Variants in EYA1 observed in about 807,000 individuals in gnomAD.
EYA1 encodes the protein protein phosphatase EYA1.
Under a neutral mutation model 82.0 loss-of-function variants are expected in EYA1, and 16 were observed. The observed-to-expected ratio is 0.20, with a 90% confidence interval of 0.13 to 0.30. The LOEUF (loss-of-function observed/expected upper bound fraction) is 0.30. Among genes scored for constraint, EYA1 ranks in the 10% least tolerant of loss-of-function variants. The pLI, the probability that EYA1 is intolerant of heterozygous loss-of-function variation, is 1.00. For synonymous variants in EYA1, 261 were observed against 264.4 expected (o/e 0.99, Z 0.12); for missense variants, 633 against 730.7 (o/e 0.87, Z 1.54).
chr8:71,461,925 C>T (rs1727412957), intron 2 of EYA1, among the ~76,000 whole-genome samples: 2 of 152,128 alleles, frequency 1.3e-5, no homozygotes, highest in Admixed American at 6.5e-5. Flanking sequence ...AGGGTAGTTC[C>T]TCTCTGCAGC....
intron 9 of EYA1, among the ~76,000 whole-genome samples, chr8:71,276,497 A>C (rs1269130371): frequency 1.3e-5 from 2 of 152,180 alleles, no homozygotes; most frequent in Non-Finnish European, 2.9e-5. Context: ...CCCTATCAAC[A>C]AGTTGAATTA....
chr8:71,502,648 T>C (rs1013775383), intron 2 of EYA1, among the ~76,000 whole-genome samples: 13 of 152,258 alleles, frequency 8.5e-5, no homozygotes, highest in African/African-American at 3.1e-4. Context: ...CTCTAGTGAC[T>C]TGATAAAATC....
chr8:71,542,546 T>C (rs188469988), intron 1 of EYA1, among the ~76,000 whole-genome samples: 301 of 152,336 alleles, frequency 2.0e-3, no homozygotes, highest in African/African-American at 7.0e-3. Flanking sequence ...GTCTTTAAAA[T>C]AGAACGATTT....
At chr8:71,365,131 T>C (rs1827681089), upstream of EYA1, among the ~76,000 whole-genome samples, 1 of 151,462 alleles carries the variant, frequency 6.6e-6, no homozygotes. Flanking sequence ...ACTTGGGCTT[T>C]TCTAAAACTT....
At chr8:71,482,528 C>T (rs1810242523) in intron 2 of EYA1, among the ~76,000 whole-genome samples, 1 of 152,144 alleles carries the variant, frequency 6.6e-6, no homozygotes, top group African/African-American at 2.4e-5. Flanking sequence ...CCAGCAATTC[C>T]ACTTCTAGGT....
At position 71,290,678 on chromosome 8, in the gene EYA1, T is replaced by C. The variant is rs573189067; in HGVS notation, c.826+8369A>G. 1.2e-3 allele frequency among the ~76,000 whole-genome samples: 187 copies of C among 152,208 alleles called. 2 individuals are homozygous for C. The highest frequency in any genetic ancestry group is 2.2e-3 in the Non-Finnish European group (152 of 67,976). ...GACTGAATTTTTCTTTTCTTGGAAATACAGTCCAAAATTCACAGGTAACAA... is the reference window on the plus strand; with the variant it reads ...GACTGAATTTTTCTTTTCTTGGAAACACAGTCCAAAATTCACAGGTAACAA... On this transcript the variant is annotated intron_variant, in intron 9 of 17. Transcript: ENST00000340726.
intron 2 of EYA1, among the ~76,000 whole-genome samples, chr8:71,412,314 G>T (rs1733666897): frequency 6.8e-6 from 1 of 147,886 alleles, no homozygotes; most frequent in Non-Finnish European, 1.5e-5. Context: ...CACCAGCATG[G>T]CACATGTATA....
chr8:71,249,200 C>G (rs1318247192), intron 11 of EYA1, among the ~76,000 whole-genome samples: 11 of 152,060 alleles, frequency 7.2e-5, no homozygotes, highest in Admixed American at 5.9e-4. Context: ...TCCTCTATGA[C>G]AGCAATCTTT....
intron 2 of EYA1, among the ~76,000 whole-genome samples, chr8:71,444,703 A>C (rs62507401): frequency 0.3 from 45,876 of 152,032 alleles, 7,171 homozygotes; most frequent in East Asian, 0.47. Flanking sequence ...GCCTACACTG[A>C]GGGGTTAGAA....
Position 71,254,203 on chromosome 8 carries a change from C to G in EYA1, c.1051-9511G>C, listed in dbSNP as rs141057383. Among the ~76,000 whole-genome samples the G allele has an allele frequency of 8.8e-3, 894 of 101,894 alleles. 5 individuals carry two copies. The highest frequency in any genetic ancestry group is 0.032 in the African/African-American group (822 of 25,568). The allele number at this position is 101,894 out of a possible 152,430, so 66.8% of individuals were successfully genotyped here. On this transcript the variant is annotated intron_variant, in intron 11 of 17. Transcript: ENST00000340726. Reference sequence around the variant, plus strand: ...AGTACTGAAGTTTTAAAAACAACAACTAGATGCTCAAGGATATACCCCATC... The same window carrying G: ...AGTACTGAAGTTTTAAAAACAACAAGTAGATGCTCAAGGATATACCCCATC...
chr8:71,423,153 T>A (rs1452176813), intron 2 of EYA1, among the ~76,000 whole-genome samples: 1 of 152,170 alleles, frequency 6.6e-6, no homozygotes, highest in African/African-American at 2.4e-5. Flanking sequence ...CAAATTGTTG[T>A]TATTGGGTAT....
intron 11 of EYA1, among the ~76,000 whole-genome samples, chr8:71,265,633 C>T (rs116833323): frequency 0.018 from 2,742 of 152,262 alleles, 82 homozygotes; most frequent in African/African-American, 0.063. Flanking sequence ...ATTTGAAATA[C>T]AAGTTTTGGG....
intron 3 of EYA1, among the ~76,000 whole-genome samples, chr8:71,347,169 T>C (rs144727668): frequency 1.2e-4 from 18 of 152,316 alleles, no homozygotes; most frequent in African/African-American, 4.1e-4. Flanking sequence ...GGGGAGTCCA[T>C]GTTTTAAAGT....
intron 2 of EYA1, among the ~76,000 whole-genome samples, chr8:71,504,723 TA>T (rs200755153): frequency 2.0e-4 from 30 of 151,748 alleles, no homozygotes; most frequent in Non-Finnish European, 2.7e-4. Flanking sequence ...CATCTCCATT[TA>T]AAAAAAAATC....
chr8:71,369,926 T>C (rs538052462), intron 2 of EYA1, among the ~76,000 whole-genome samples: 1 of 152,276 alleles, frequency 6.6e-6, no homozygotes, highest in South Asian at 2.1e-4. Flanking sequence ...TAAAATAATT[T>C]ATGGGACAAA....
intron 2 of EYA1, among the ~76,000 whole-genome samples, chr8:71,516,135 C>T (rs1812961738): frequency 1.3e-5 from 2 of 152,024 alleles, no homozygotes; most frequent in African/African-American, 2.4e-5. Flanking sequence ...TTTTTTGGTG[C>T]CTCTCCCAAT....
chr8:71,316,537 C>T (rs1341336712), intron 7 of EYA1, among the ~76,000 whole-genome samples: 1 of 152,012 alleles, frequency 6.6e-6, no homozygotes, highest in Non-Finnish European at 1.5e-5. Flanking sequence ...TGAGCCCATG[C>T]TGTATATCTA....
At chr8:71,397,209 T>A (rs931192044) in intron 2 of EYA1, among the ~76,000 whole-genome samples, 2 of 152,206 alleles carry the variant, frequency 1.3e-5, no homozygotes, top group African/African-American at 2.4e-5. Flanking sequence ...GTTTCCTGAA[T>A]ACAGCACACT....
chr8:71,353,157 A>G (rs1461073065), intron 3 of EYA1, among the ~76,000 whole-genome samples: 1 of 152,232 alleles, frequency 6.6e-6, no homozygotes, highest in Non-Finnish European at 1.5e-5. Flanking sequence ...AAGGTCACCT[A>G]CGGGCCTTCT....
Sources: gnomAD v4.1 joint callset for allele counts (sites outside exome capture counted in the v4.1 genomes callset) on GRCh38, gnomAD v4.1.1 for gene constraint, MANE v1.5 for transcripts, NCBI Gene and HGNC (gene_info 2026-07-23, HGNC 2026-07-21) for gene names.